The following TMEM178B variants were observed in gnomAD, a reference collection of about 807,000 sequenced individuals.
The protein encoded by TMEM178B is transmembrane protein 178B.
In TMEM178B, 5 loss-of-function variants were observed where a neutral mutation model predicts 31.0. That is an observed-to-expected ratio of 0.16 (90% CI 0.08 to 0.34). TMEM178B has a LOEUF of 0.34. Among genes scored for constraint, TMEM178B ranks in the 10% least tolerant of loss-of-function variants. TMEM178B has a pLI of 1.00. For missense variants in TMEM178B, 275 were observed against 400.3 expected (o/e 0.69, Z 2.67); for synonymous variants, 164 against 164.0 (o/e 1.00, Z 0.00).
In TMEM178B at chr7:141,177,863, A is replaced by T. The variant is rs144501470; in HGVS notation, c.383-34728A>T. On this transcript the variant is annotated intron_variant, in intron 1 of 3. Transcript: ENST00000565468. ...TGCACATGAGATGGATCTCCTGAAT[A>T]CAGCACACTGATAGGTCTTGCCTCT... Among the ~76,000 whole-genome samples the T allele has an allele frequency of 2.2e-3, 337 of 152,268 alleles. 1 individual carries two copies. Among genetic ancestry groups the T allele is most frequent in the African/African-American group, 7.8e-3 (322 of 41,542 alleles).
intron 3 of TMEM178B, among the ~76,000 whole-genome samples, chr7:141,468,930 C>T (rs981619256): frequency 2.6e-5 from 4 of 152,130 alleles, no homozygotes; most frequent in Non-Finnish European, 4.4e-5. Context: ...ACATAGGGCA[C>T]GAAGAAGCTG....
chr7:141,359,801 T>C (rs1401312644), intron 2 of TMEM178B, among the ~76,000 whole-genome samples: 1 of 152,150 alleles, frequency 6.6e-6, no homozygotes, highest in East Asian at 1.9e-4. Flanking sequence ...AGAAACTGGG[T>C]AATTTATAAA....
intron 1 of TMEM178B, among the ~76,000 whole-genome samples, chr7:141,194,224 A>G (rs923111744): frequency 6.6e-6 from 1 of 152,142 alleles, no homozygotes; most frequent in Non-Finnish European, 1.5e-5. Flanking sequence ...GCAGTCCCCC[A>G]AAGTCTTATT....
chr7:141,434,393 G>A (rs1253775666), intron 2 of TMEM178B, among the ~76,000 whole-genome samples: 1 of 152,182 alleles, frequency 6.6e-6, no homozygotes, highest in Non-Finnish European at 1.5e-5. Flanking sequence ...TAGTGCTGCT[G>A]AATGGGATAG....
chr7:141,157,919 G>C (rs767471611), intron 1 of TMEM178B, among the ~76,000 whole-genome samples: 5 of 152,016 alleles, frequency 3.3e-5, no homozygotes, highest in Non-Finnish European at 7.4e-5. Context: ...CCCCGCCTCT[G>C]TGCCTCTAAT....
chr7:141,473,403 T>C lies in TMEM178B; in HGVS notation c.*2617T>C, dbSNP rs1300374416. On this transcript the variant is annotated 3_prime_UTR_variant, in exon 4 of 4. Coordinates refer to ENST00000565468, the MANE Select transcript of TMEM178B (RefSeq NM_001195278.2). The stretch of plus-strand genomic sequence containing the variant: ...CCAGTTGCAGGAGAGAGGGGAAAAA[T>C]TCTAAATGGGGAAATTTGCTATGAA... 4.6e-5 allele frequency: 7 copies of C among 152,224 alleles called. No individual in the cohort carries two copies. In the East Asian group the frequency reaches 1.4e-3, roughly 29 times the overall value. The allele number at this position is 152,224 out of a possible 1,614,324, so 9.4% of individuals were successfully genotyped here. A position where few individuals can be genotyped will look rare whatever the true frequency, so the allele number is the denominator to read the frequency against.
intron 1 of TMEM178B, among the ~76,000 whole-genome samples, chr7:141,102,794 G>T (rs1232697404): frequency 3.3e-5 from 5 of 152,180 alleles, no homozygotes; most frequent in Admixed American, 3.3e-4. Flanking sequence ...CAGTGTTTTT[G>T]AAGCTTAGGA....
intron 2 of TMEM178B, among the ~76,000 whole-genome samples, chr7:141,235,779 A>G (rs1797518209): frequency 6.6e-6 from 1 of 152,216 alleles, no homozygotes; most frequent in Non-Finnish European, 1.5e-5. Flanking sequence ...CATAGGGCTC[A>G]TTATTGACCG....
intron 2 of TMEM178B, among the ~76,000 whole-genome samples, chr7:141,423,527 C>G (rs192903543): frequency 6.6e-6 from 1 of 152,282 alleles, no homozygotes; most frequent in East Asian, 1.9e-4. Flanking sequence ...TTAGACTCTT[C>G]AGCTTTAGAA....
rs557663365 is a variant in TMEM178B at position 141,414,241 on chromosome 7, C to T, written c.497-23367C>T. On this transcript the variant is annotated intron_variant, in intron 2 of 3. Coordinates refer to ENST00000565468, the MANE Select transcript of TMEM178B (RefSeq NM_001195278.2). Reference sequence around the variant, plus strand: ...CTGGGACTACAGGCGCCCGCCACCGCGCCCGGCTAATTTTTTGTATTTTTA... The same window carrying T: ...CTGGGACTACAGGCGCCCGCCACCGTGCCCGGCTAATTTTTTGTATTTTTA... The T allele has an allele frequency of 3.2e-4, 22 of 68,750 alleles. 8 individuals are homozygous for T. In the South Asian group the frequency reaches 0.011, roughly 34 times the overall value. 4.3% of individuals were successfully genotyped at this position (68,750 alleles called of 1,614,324 possible). A position where few individuals can be genotyped will look rare whatever the true frequency, so the allele number is the denominator to read the frequency against.
chr7:141,336,013 C>T (rs1336454345), intron 2 of TMEM178B, among the ~76,000 whole-genome samples: 1 of 152,194 alleles, frequency 6.6e-6, no homozygotes, highest in African/African-American at 2.4e-5. Flanking sequence ...GAAACACCGT[C>T]TCACTACTGA....
chr7:141,368,443 G>A (rs928414536), intron 2 of TMEM178B, among the ~76,000 whole-genome samples: 4 of 152,218 alleles, frequency 2.6e-5, no homozygotes, highest in Non-Finnish European at 5.9e-5. Context: ...TATCATAAGT[G>A]TACACCTCAT....
chr7:141,510,125 T>C, the TMEM178B span, among the ~76,000 whole-genome samples: 4 of 152,302 alleles, frequency 2.6e-5, no homozygotes, highest in Middle Eastern at 3.4e-3. Flanking sequence ...CAACAGAGGA[T>C]GCTAGCTTCC....
At chr7:141,154,052 T>C (rs893562609) in intron 1 of TMEM178B, among the ~76,000 whole-genome samples, 8 of 152,262 alleles carry the variant, frequency 5.3e-5, no homozygotes, top group Admixed American at 2.0e-4. Flanking sequence ...TTTCTAGGCA[T>C]TGGGGCTACA....
At chr7:141,463,694 GGCCC>G (rs1802101100) in intron 3 of TMEM178B, among the ~76,000 whole-genome samples, 2 of 152,220 alleles carry the variant, frequency 1.3e-5, no homozygotes, top group South Asian at 4.1e-4. Context: ...GCTGGAAGAA[GGCCC>G]TTCTGGGCAT....
At chr7:141,439,008 C>T (rs1383843391) in intron 3 of TMEM178B, among the ~76,000 whole-genome samples, 1 of 152,134 alleles carries the variant, frequency 6.6e-6, no homozygotes, top group Non-Finnish European at 1.5e-5. Context: ...CTTCTGTGAG[C>T]CACCAGGCTC....
chr7:141,352,063 A>G (rs1489452140), intron 2 of TMEM178B: 1 of 152,362 alleles, frequency 6.6e-6, no homozygotes, highest in Non-Finnish European at 1.5e-5. Context: ...CACCTACTTG[A>G]TGAAGGCCTT....
chr7:141,178,448 A>T (rs919473386), intron 1 of TMEM178B, among the ~76,000 whole-genome samples: 4 of 152,244 alleles, frequency 2.6e-5, no homozygotes, highest in African/African-American at 9.6e-5. Flanking sequence ...ATAATCATTG[A>T]CATATGAGCT....
intron 2 of TMEM178B, among the ~76,000 whole-genome samples, chr7:141,319,700 G>T (rs367903987): frequency 6.6e-6 from 1 of 152,146 alleles, no homozygotes; most frequent in African/African-American, 2.4e-5. Flanking sequence ...ACCATGCCTG[G>T]CTAATTTTGG....
Sources: allele counts gnomAD v4.1 joint callset (sites outside exome capture counted in the v4.1 genomes callset), GRCh38; gene constraint gnomAD v4.1.1; transcripts MANE v1.5; gene names NCBI Gene and HGNC (gene_info 2026-07-23, HGNC 2026-07-21).